ZBTB22: variants seen among roughly 807,000 people sequenced by gnomAD.
ZBTB22 encodes zinc finger and BTB domain containing 22, also known as zinc finger and BTB domain-containing protein 22.
For missense variants in ZBTB22, 668 were observed against 834.1 expected (o/e 0.80, Z 2.45); for synonymous variants, 356 against 347.3 (o/e 1.03, Z -0.28).
In ZBTB22 at chr6:33,314,573, A is replaced by C; in HGVS notation, c.*439T>G. The C allele has an allele frequency of 4.8e-6, 1 of 208,636 alleles. No individual in the cohort carries two copies. Among genetic ancestry groups the C allele is most frequent in the Non-Finnish European group, 9.7e-6 (1 of 102,732 alleles). 12.9% of individuals were successfully genotyped at this position (208,636 alleles called of 1,614,324 possible). A position where few individuals can be genotyped will look rare whatever the true frequency, so the allele number is the denominator to read the frequency against. ...GGTGGCGGGGAGAGACAGGGTAGAAATAAAGAGCGCATCCTTGAGAGGGGG... is the reference window on the plus strand; with the variant it reads ...GGTGGCGGGGAGAGACAGGGTAGAACTAAAGAGCGCATCCTTGAGAGGGGG... On this transcript the variant is annotated 3_prime_UTR_variant, in exon 2 of 2. Transcript: ENST00000431845.
Position 33,317,693 on chromosome 6 carries a change from C to G in ZBTB22, c.-110G>C, listed in dbSNP as rs1250342903. 2.6e-5 allele frequency: 3 copies of G among 114,344 alleles called. No homozygotes were observed. Among genetic ancestry groups the G allele is most frequent in the Non-Finnish European group, 5.5e-5 (3 of 54,668 alleles). The allele number at this position is 114,344 out of a possible 1,614,324, so 7.1% of individuals were successfully genotyped here. On this transcript the variant is annotated 5_prime_UTR_variant, in exon 1 of 2. Coordinates refer to ENST00000431845, the MANE Select transcript of ZBTB22 (RefSeq NM_005453.5). ...CGGGCCCCCCCCGCCCCTCACTCGG[C>G]GGCCAGAGCAGCAACCTGGGCCCCT...
Position 33,315,575 on chromosome 6 carries a change from G to C in ZBTB22, c.1342C>G (p.Gln448Glu). ...SQAPGQPPGN[Q>E]AEHGAVTVGG... Reference sequence around the variant, plus strand: ...ACGGTCACTGCCCCGTGTTCTGCTTGGTTCCCTGGTGGTTGGCCAGGAGCC... The same window carrying C: ...ACGGTCACTGCCCCGTGTTCTGCTTCGTTCCCTGGTGGTTGGCCAGGAGCC... The change falls in exon 2 of 2, where the codon CAA (glutamine) becomes GAA (glutamate). Residue 448 changes from glutamine (Q) to glutamate (E), a missense_variant. Transcript: ENST00000431845. The surrounding 1 kb of genome is among the most constrained non-coding windows in gnomAD (Gnocchi z 5.4). The C allele has an allele frequency of 1.2e-6, 2 of 1,613,962 alleles. No homozygotes were observed. The highest frequency in any genetic ancestry group is 1.7e-6 in the Non-Finnish European group (2 of 1,180,002).
chr6:33,317,101 G>A, intron 1 of ZBTB22, 116 bp from the exon 2 acceptor site: 1 of 684,238 alleles, frequency 1.5e-6, no homozygotes, highest in Non-Finnish European at 2.4e-6. Flanking sequence ...AGTGAGGTAG[G>A]TATTCCTCTC....
In ZBTB22 at chr6:33,316,839, C is replaced by T. The variant is rs1250871901; in HGVS notation, c.78G>A (p.Leu26=). 6 of 1,613,908 alleles carry T rather than the reference C, an allele frequency of 3.7e-6. No homozygotes were observed. In the East Asian group the frequency reaches 1.3e-4, roughly 36 times the overall value. ...ACACATGTACCACTGCAGCTGCTGG[C>T]AGGGGTAGTGGGGGCGGAGCCAGCG... The part of the protein sequence containing the change: ...PLSLAPPPLP[L]PAAAVVHVSF... Residue 26 remains leucine, a synonymous_variant, in exon 2 of 2, where the codon CTG becomes CTA. Coordinates refer to ENST00000431845, the MANE Select transcript of ZBTB22 (RefSeq NM_005453.5). This position sits in a 1 kb window ranked among gnomAD's most constrained non-coding sequence, Gnocchi z 7.2.
chr6:33,315,215 G>T lies in ZBTB22; in HGVS notation c.1702C>A (p.Arg568Ser), dbSNP rs925467606. 2.5e-6 allele frequency: 4 copies of T among 1,612,790 alleles called. No homozygotes were observed. In the African/African-American group the frequency reaches 4.0e-5, roughly 16 times the overall value. Residue 568 changes from arginine to serine, a missense_variant, in exon 2 of 2, where the codon CGC becomes AGC. By Grantham distance (110) the Arg-to-Ser change is moderately radical. Coordinates refer to ENST00000431845, the MANE Select transcript of ZBTB22 (RefSeq NM_005453.5). This position sits in a 1 kb window ranked among gnomAD's most constrained non-coding sequence, Gnocchi z 5.4. ...GGTACGGCCCCGACCCCGCCCAGGC[G>T]GTGCCGGCGCTCACAGTGTCCTCGG... ...RHRGHCERRHRLGGVGAVPGP... is the reference protein window; with the variant it reads ...RHRGHCERRHSLGGVGAVPGP...
In ZBTB22 at chr6:33,316,698, A is replaced by C; in HGVS notation, c.219T>G (p.Ala73=). Reference sequence around the variant, plus strand: ...AGTAAGGGGAGGAGGCAGCCAGGACAGCCCGATGAGCCCGGAACTCCCGGC... The same window carrying C: ...AGTAAGGGGAGGAGGCAGCCAGGACCGCCCGATGAGCCCGGAACTCCCGGC... ...VQGREFRAHR[A]VLAASSPYFH... The change falls in exon 2 of 2, where the codon GCT becomes GCG. Residue 73 remains alanine (A), a synonymous_variant. Coordinates refer to ENST00000431845, the MANE Select transcript of ZBTB22 (RefSeq NM_005453.5). This position sits in a 1 kb window ranked among gnomAD's most constrained non-coding sequence, Gnocchi z 7.2. The C allele has an allele frequency of 6.2e-7, 1 of 1,614,186 alleles. No individual in the cohort carries two copies. The highest frequency in any genetic ancestry group is 2.2e-5 in the East Asian group (1 of 44,888).
rs773945944 is a variant in ZBTB22 at position 33,316,474 on chromosome 6, C to T, written c.443G>A (p.Arg148Gln). 7.4e-6 allele frequency: 12 copies of T among 1,614,176 alleles called. No homozygotes were observed. Among genetic ancestry groups the T allele is most frequent in the Middle Eastern group, 1.6e-4 (1 of 6,062 alleles). ...HIVDKCTELL[R>Q]EGRASATTTI... is the part of the protein sequence containing the mutation. Reference sequence around the variant, plus strand: ...GGTGGTAGCTGAGGCCCGGCCTTCTCGGAGTAGTTCAGTGCACTTGTCCAC... The same window carrying T: ...GGTGGTAGCTGAGGCCCGGCCTTCTTGGAGTAGTTCAGTGCACTTGTCCAC... The change falls in exon 2 of 2, where the codon CGA (arginine) becomes CAA (glutamine). Residue 148 changes from arginine to glutamine, a missense_variant. Coordinates refer to ENST00000431845, the MANE Select transcript of ZBTB22 (RefSeq NM_005453.5). The surrounding 1 kb of genome is among the most constrained non-coding windows in gnomAD (Gnocchi z 7.2).
Position 33,316,604 on chromosome 6 carries a change from A to C in ZBTB22, c.313T>G (p.Phe105Val). The C allele has an allele frequency of 6.2e-7, 1 of 1,614,232 alleles. No homozygotes were observed. The highest frequency in any genetic ancestry group is 8.5e-7 in the Non-Finnish European group (1 of 1,180,038). Reference sequence around the variant, plus strand: ...TAAGCGGAGGCTAGGACAGTCTCAAAGGCGCCTGGGTCCATGACACTGGGC... The same window carrying C: ...TAAGCGGAGGCTAGGACAGTCTCAACGGCGCCTGGGTCCATGACACTGGGC... ...SLPSVMDPGAFETVLASAYTG... is the reference protein window; with the variant it reads ...SLPSVMDPGAVETVLASAYTG... Residue 105 changes from phenylalanine (F) to valine (V), a missense_variant, in exon 2 of 2, where the codon TTT (phenylalanine) becomes GTT (valine). Coordinates refer to ENST00000431845, the MANE Select transcript of ZBTB22 (RefSeq NM_005453.5). This position sits in a 1 kb window ranked among gnomAD's most constrained non-coding sequence, Gnocchi z 7.2.
In ZBTB22 at chr6:33,315,733, C is replaced by A; in HGVS notation, c.1184G>T (p.Gly395Val). The A allele has an allele frequency of 1.2e-6, 2 of 1,612,798 alleles. No homozygotes were observed. Among genetic ancestry groups the A allele is most frequent in the Non-Finnish European group, 1.7e-6 (2 of 1,179,272 alleles). Residue 395 changes from glycine to valine, a missense_variant, in exon 2 of 2, where the codon GGT becomes GTT. Transcript: ENST00000431845. This position sits in a 1 kb window ranked among gnomAD's most constrained non-coding sequence, Gnocchi z 5.4. Reference protein sequence around the residue: ...GPYEGGGPVAGLDDSGGPTPS... With the variant: ...GPYEGGGPVAVLDDSGGPTPS... ...AGTTGGCCCCCCTGAGTCATCAAGA[C>A]CTGCCACAGGACCCCCACCCTCATA...
At chr6:33,317,849 G>A (rs1379712213), upstream of ZBTB22, 3 of 151,610 alleles carry the variant, frequency 2.0e-5, no homozygotes, top group Non-Finnish European at 4.4e-5. Context: ...CGGCCACTTT[G>A]CCTTTAAAGA....
At chr6:33,317,257 T>C (rs1368664180) in intron 1 of ZBTB22, among the ~76,000 whole-genome samples, 1 of 152,192 alleles carries the variant, frequency 6.6e-6, no homozygotes, top group East Asian at 1.9e-4. Context: ...AAGGTGCTCT[T>C]AGGGGCTGGA....
Position 33,316,383 on chromosome 6 carries a change from C to A in ZBTB22, c.534G>T (p.Gly178=), listed in dbSNP as rs767362825. The A allele has an allele frequency of 6.2e-7, 1 of 1,614,038 alleles. No individual in the cohort carries two copies. Among genetic ancestry groups the A allele is most frequent in the South Asian group, 1.1e-5 (1 of 91,082 alleles). Residue 178 remains glycine (G), a synonymous_variant, in exon 2 of 2, where the codon GGG becomes GGT. Transcript: ENST00000431845. The surrounding 1 kb of genome is among the most constrained non-coding windows in gnomAD (Gnocchi z 7.2). ...VPGAGVPSGS[G]GTVAPATMGS... is the part of the protein sequence containing the mutation. Reference sequence around the variant, plus strand: ...CCATGGTAGCAGGGGCCACAGTGCCCCCACTCCCGGATGGCACCCCAGCAC... The same window carrying A: ...CCATGGTAGCAGGGGCCACAGTGCCACCACTCCCGGATGGCACCCCAGCAC...
intron 1 of ZBTB22, 50 bp from the exon 2 acceptor site, chr6:33,317,035 G>GC: frequency 7.8e-7 from 1 of 1,273,890 alleles, no homozygotes. Flanking sequence ...TAACGACACA[G>GC]CCCGTTACAA....
In ZBTB22 at chr6:33,314,835, T is replaced by G; in HGVS notation, c.*177A>C. The G allele has an allele frequency of 8.0e-7, 1 of 1,247,412 alleles. No individual in the cohort carries two copies. The highest frequency in any genetic ancestry group is 1.1e-6 in the Non-Finnish European group (1 of 941,092). 77.3% of individuals were successfully genotyped at this position (1,247,412 alleles called of 1,614,324 possible). Reference sequence around the variant, plus strand: ...AATACCTTGGGGGGGAGGGGTTGAGTAGTAGAATGGGCGGGCGATGGTGAA... The same window carrying G: ...AATACCTTGGGGGGGAGGGGTTGAGGAGTAGAATGGGCGGGCGATGGTGAA... On this transcript the variant is annotated 3_prime_UTR_variant, in exon 2 of 2. Coordinates refer to ENST00000431845, the MANE Select transcript of ZBTB22 (RefSeq NM_005453.5).
Position 33,315,967 on chromosome 6 carries a change from G to A in ZBTB22, c.950C>T (p.Pro317Leu), listed in dbSNP as rs781660959. The change falls in exon 2 of 2, where the codon CCA becomes CTA. Residue 317 changes from proline (P) to leucine (L), a missense_variant. Pro to Leu is a moderately conservative substitution (Grantham distance 98, BLOSUM62 -3). Coordinates refer to ENST00000431845, the MANE Select transcript of ZBTB22 (RefSeq NM_005453.5). This position sits in a 1 kb window ranked among gnomAD's most constrained non-coding sequence, Gnocchi z 5.4. Reference protein sequence around the residue: ...PAPTPLVPQDPDLEEEEEEED... With the variant: ...PAPTPLVPQDLDLEEEEEEED... ...CTCCTCCTCTTCCTCCTCCAGATCTGGGTCTTGGGGAACCAGGGGTGTTGG... is the reference window on the plus strand; with the variant it reads ...CTCCTCCTCTTCCTCCTCCAGATCTAGGTCTTGGGGAACCAGGGGTGTTGG... 1.2e-6 allele frequency: 2 copies of A among 1,614,014 alleles called. No homozygotes were observed. The highest frequency in any genetic ancestry group is 1.7e-6 in the Non-Finnish European group (2 of 1,180,002).
intron 1 of ZBTB22, among the ~76,000 whole-genome samples, chr6:33,317,342 G>A (rs1769955403): frequency 6.6e-6 from 1 of 152,066 alleles, no homozygotes; most frequent in South Asian, 2.1e-4. Flanking sequence ...CCTTTTTGGT[G>A]TTTTGCACCC....
rs1769662107 is a variant in ZBTB22, at chr6:33,314,426, C to T, written c.*586G>A. On this transcript the variant is annotated 3_prime_UTR_variant, in exon 2 of 2. Coordinates refer to ENST00000431845, the MANE Select transcript of ZBTB22 (RefSeq NM_005453.5). ...GTTATCGGGAAGCCAAGTAAATGAC[C>T]AATAAATATTTTAATCACTGTTAAA... The T allele has an allele frequency of 3.1e-6, 1 of 321,462 alleles. No homozygotes were observed. The highest frequency in any genetic ancestry group is 5.8e-6 in the Non-Finnish European group (1 of 173,104). 19.9% of individuals were successfully genotyped at this position (321,462 alleles called of 1,614,324 possible). A position where few individuals can be genotyped will look rare whatever the true frequency, so the allele number is the denominator to read the frequency against.
chr6:33,316,275 G>A lies in ZBTB22; in HGVS notation c.642C>T (p.Ser214=). 7 of 1,614,154 alleles carry A rather than the reference G, an allele frequency of 4.3e-6. No individual in the cohort carries two copies. The highest frequency in any genetic ancestry group is 5.9e-6 in the Non-Finnish European group (7 of 1,180,008). ...SSSNYFSPRE[S]TDFSSSSQEA... is the part of the protein sequence containing the mutation. The stretch of plus-strand genomic sequence containing the variant: ...CTTGGGAGGAAGATGAGAAATCAGT[G>A]GACTCCCTGGGGCTGAAGTAGTTGC... The change falls in exon 2 of 2, where the codon TCC becomes TCT. Residue 214 remains serine, a synonymous_variant. Transcript: ENST00000431845. The surrounding 1 kb of genome is among the most constrained non-coding windows in gnomAD (Gnocchi z 7.2).
rs1769919660 is a variant in ZBTB22 at position 33,316,929 on chromosome 6, G to C, written c.-13C>G. On this transcript the variant is annotated 5_prime_UTR_variant, in exon 2 of 2. Transcript: ENST00000431845. The surrounding 1 kb of genome is among the most constrained non-coding windows in gnomAD (Gnocchi z 7.2). ...GAGATGGCTCCATGTTGTGGAGGGA[G>C]GGGATACCCCCCCAGCCACAGGAAC... is the stretch of plus-strand genomic sequence containing the variant. 1 of 1,564,074 alleles carries C rather than the reference G, an allele frequency of 6.4e-7. No homozygotes were observed. Among genetic ancestry groups the C allele is most frequent in the Non-Finnish European group, 8.7e-7 (1 of 1,155,230 alleles).
Sources: allele counts gnomAD v4.1 joint callset (sites outside exome capture counted in the v4.1 genomes callset), GRCh38; gene constraint gnomAD v4.1.1; non-coding constraint Gnocchi (gnomAD v3.1); transcripts MANE v1.5; gene names NCBI Gene and HGNC (gene_info 2026-07-23, HGNC 2026-07-21).